Variants in SGCD observed in about 807,000 individuals in gnomAD.
SGCD encodes the protein sarcoglycan delta.
A neutral mutation model predicts 36.6 loss-of-function variants in SGCD; 18 were observed. That is an observed-to-expected ratio of 0.49 (90% CI 0.34 to 0.73). SGCD has a LOEUF of 0.73. Ranked by LOEUF, SGCD falls within the 30% of genes least tolerant of loss-of-function variation. The pLI, the probability that SGCD is intolerant of heterozygous loss-of-function variation, is 0.01. For missense variants in SGCD, 387 were observed against 346.7 expected (o/e 1.12, Z -0.92); for synonymous variants, 133 against 130.6 (o/e 1.02, Z -0.12).
intron 3 of SGCD, among the ~76,000 whole-genome samples, chr5:156,507,555 C>G (rs1205405249): frequency 1.3e-5 from 2 of 152,104 alleles, no homozygotes; most frequent in African/African-American, 2.4e-5. Context: ...ACCCCATTTC[C>G]TAGGATATAG....
chr5:156,291,305 A>G (rs929093210), intron 3 of SGCD, among the ~76,000 whole-genome samples: 1 of 152,140 alleles, frequency 6.6e-6, no homozygotes, highest in Admixed American at 6.6e-5. Flanking sequence ...CGACATCCCA[A>G]ATACCCTGTC....
At chr5:156,054,528 A>T (rs937556460) in intron 1 of SGCD, among the ~76,000 whole-genome samples, 1 of 144,710 alleles carries the variant, frequency 6.9e-6, no homozygotes, top group Non-Finnish European at 1.6e-5. Flanking sequence ...CTCGTGATCC[A>T]CCCGCCTCAG....
At chr5:156,584,757 G>C (rs1457115829) in intron 4 of SGCD, among the ~76,000 whole-genome samples, 1 of 152,122 alleles carries the variant, frequency 6.6e-6, no homozygotes, top group Non-Finnish European at 1.5e-5. Flanking sequence ...TATCTATATG[G>C]CCTCCTCCCA....
the SGCD span, among the ~76,000 whole-genome samples, chr5:155,736,042 A>G: frequency 0.047 from 7,096 of 152,144 alleles, 521 homozygotes; most frequent in African/African-American, 0.16. Flanking sequence ...CCTTCTTTCT[A>G]CCCCTGGGAT....
intron 4 of SGCD, among the ~76,000 whole-genome samples, chr5:156,537,862 T>C (rs194144): frequency 0.11 from 16,100 of 151,846 alleles, 1,138 homozygotes; most frequent in Admixed American, 0.17. Flanking sequence ...AAAAAGATGC[T>C]AGTGGCTAGA....
chr5:156,015,356 G>T (rs770206467), intron 1 of SGCD, among the ~76,000 whole-genome samples: 2 of 152,056 alleles, frequency 1.3e-5, no homozygotes, highest in Non-Finnish European at 2.9e-5. Flanking sequence ...CCTTGAAGGT[G>T]ATTCTTCTGT....
the SGCD span, among the ~76,000 whole-genome samples, chr5:155,806,640 C>G: frequency 6.6e-6 from 1 of 152,092 alleles, no homozygotes. Context: ...ATTGAATACA[C>G]CTATGTAACA....
At chr5:155,847,919 A>C in the SGCD span, among the ~76,000 whole-genome samples, 8 of 152,222 alleles carry the variant, frequency 5.3e-5, no homozygotes, top group African/African-American at 1.9e-4. Flanking sequence ...TAAGCTTTTT[A>C]GTTGCTTGTT....
intron 1 of SGCD, among the ~76,000 whole-genome samples, chr5:156,097,804 T>A (rs1761417022): frequency 6.6e-6 from 1 of 152,214 alleles, no homozygotes; most frequent in Non-Finnish European, 1.5e-5. Flanking sequence ...GGACATTTTA[T>A]CTGTTCTGTC....
intron 1 of SGCD, among the ~76,000 whole-genome samples, chr5:156,086,510 G>A (rs1761095213): frequency 1.3e-5 from 2 of 152,230 alleles, no homozygotes; most frequent in Admixed American, 6.5e-5. Context: ...CAGGAGTGGT[G>A]AGGGGTTACA....
chr5:156,264,773 A>C (rs1765958761), intron 3 of SGCD, among the ~76,000 whole-genome samples: 1 of 152,192 alleles, frequency 6.6e-6, no homozygotes, highest in African/African-American at 2.4e-5. Context: ...TGACCAACCT[A>C]CTAGCATGTA....
At chr5:155,911,753 C>A (rs1442556923) in intron 1 of SGCD, among the ~76,000 whole-genome samples, 1 of 152,084 alleles carries the variant, frequency 6.6e-6, no homozygotes, top group Admixed American at 6.6e-5. Flanking sequence ...GAAAGTATTT[C>A]ATTGTCAAGG....
chr5:155,816,695 A>C, the SGCD span, among the ~76,000 whole-genome samples: 32 of 152,174 alleles, frequency 2.1e-4, no homozygotes, highest in Admixed American at 7.2e-4. Flanking sequence ...TTGAGCAAAA[A>C]GTTGAACATG....
chr5:156,735,685 C>T (rs1264202130), intron 7 of SGCD, among the ~76,000 whole-genome samples: 1 of 152,164 alleles, frequency 6.6e-6, no homozygotes, highest in African/African-American at 2.4e-5. Context: ...GAATTCCAAC[C>T]CAGTGGGTCT....
At chr5:156,581,202 C>T (rs531049293) in intron 4 of SGCD, among the ~76,000 whole-genome samples, 1 of 152,184 alleles carries the variant, frequency 6.6e-6, no homozygotes, top group Non-Finnish European at 1.5e-5. Context: ...CACTCCAGAC[C>T]CTGTTTGCCT....
At chr5:155,910,448 G>C (rs966599751) in intron 1 of SGCD, among the ~76,000 whole-genome samples, 5 of 151,996 alleles carry the variant, frequency 3.3e-5, no homozygotes, top group African/African-American at 1.2e-4. Context: ...GCGGAATTAG[G>C]GCATAAAGCC....
intron 7 of SGCD, among the ~76,000 whole-genome samples, chr5:156,667,632 T>C (rs562887298): frequency 3.9e-5 from 6 of 152,188 alleles, no homozygotes; most frequent in Non-Finnish European, 8.8e-5. Flanking sequence ...TGGTCAGTAG[T>C]CTGTACTCTG....
At chr5:155,789,397 C>T in the SGCD span, among the ~76,000 whole-genome samples, 2 of 152,028 alleles carry the variant, frequency 1.3e-5, no homozygotes, top group African/African-American at 2.4e-5. Context: ...AAAATTTAGA[C>T]TAATACTTCA....
At chr5:155,780,867 T>C in the SGCD span, among the ~76,000 whole-genome samples, 3 of 152,174 alleles carry the variant, frequency 2.0e-5, no homozygotes, top group South Asian at 6.2e-4. Context: ...CTCTATGATA[T>C]AGCGAGTCTG....
Sources: allele counts gnomAD v4.1 joint callset (sites outside exome capture counted in the v4.1 genomes callset), GRCh38; gene constraint gnomAD v4.1.1; transcripts MANE v1.5; gene names NCBI Gene and HGNC (gene_info 2026-07-23, HGNC 2026-07-21).